The following MCTP1 variants were observed in gnomAD, a reference collection of about 807,000 sequenced individuals.
The protein encoded by MCTP1 is multiple C2 and transmembrane domain-containing protein 1.
MCTP1 carries 69 observed loss-of-function variants against 120.6 expected under a neutral mutation model. The ratio of observed to expected loss-of-function variants is 0.57; its 90% confidence interval spans 0.47 to 0.70. The LOEUF (loss-of-function observed/expected upper bound fraction) is 0.70. Among genes scored for constraint, MCTP1 ranks in the 30% least tolerant of loss-of-function variants. The probability of loss-of-function intolerance (pLI) is 0.00; values close to 1 mark genes in which losing one functional copy is unlikely to be tolerated. For synonymous variants in MCTP1, 529 were observed against 493.1 expected (o/e 1.07, Z -0.96); for missense variants, 1,203 against 1,248.8 (o/e 0.96, Z 0.55).
At chr5:95,143,918 T>C (rs1277107932) in intron 1 of MCTP1, among the ~76,000 whole-genome samples, 1 of 152,162 alleles carries the variant, frequency 6.6e-6, no homozygotes, top group African/African-American at 2.4e-5. Context: ...GGGTATATAT[T>C]TAGTAATGGG....
At chr5:94,934,274 T>C (rs1027457467) in intron 5 of MCTP1, among the ~76,000 whole-genome samples, 5 of 151,806 alleles carry the variant, frequency 3.3e-5, no homozygotes, top group African/African-American at 1.2e-4. Context: ...GATTGGGGAT[T>C]GTGAAAGATA....
chr5:95,027,493 G>C lies in MCTP1; in HGVS notation c.721-10009C>G, dbSNP rs558725816. On this transcript the variant is annotated intron_variant, in intron 1 of 22. Transcript: ENST00000515393. ...GAGTCATAATAAAGAAGCTGGAGAG[G>C]CCAGAAGGCCACGTGTAACCTCAAG... Among the ~76,000 whole-genome samples, 7 of 152,282 alleles carry C rather than the reference G, an allele frequency of 4.6e-5. 1 individual carries two copies. In the South Asian group the frequency reaches 1.5e-3, roughly 32 times the overall value.
rs976489250 is a variant in MCTP1 at position 95,283,817 on chromosome 5, C to A, written c.720+39G>T. Reference sequence around the variant, plus strand: ...GAACGCCTGAAGAGGGAGGCGTGGTCCCGCGCACCTTGTCTCCGGCCGCGC... The same window carrying A: ...GAACGCCTGAAGAGGGAGGCGTGGTACCGCGCACCTTGTCTCCGGCCGCGC... On this transcript the variant is annotated intron_variant, in intron 1 of 22. Coordinates refer to ENST00000515393, the MANE Select transcript of MCTP1 (RefSeq NM_024717.7). 8.4e-6 allele frequency: 11 copies of A among 1,311,484 alleles called. No homozygotes were observed. In the African/African-American group the frequency reaches 1.8e-4, roughly 21 times the overall value. 81.2% of individuals were successfully genotyped at this position (1,311,484 alleles called of 1,614,324 possible).
At chr5:94,728,784 C>A (rs1012161637) in intron 19 of MCTP1, among the ~76,000 whole-genome samples, 4 of 152,134 alleles carry the variant, frequency 2.6e-5, no homozygotes, top group African/African-American at 9.7e-5. Flanking sequence ...CCCGCACTGG[C>A]TAGAGTTTGT....
chr5:94,947,786 AT>A (rs70978144), intron 3 of MCTP1, among the ~76,000 whole-genome samples: 7,160 of 138,872 alleles, frequency 0.052, 198 homozygotes, highest in Middle Eastern at 0.095. Context: ...TGGCTTTAAA[AT>A]TTTTTTTTTT....
Position 95,118,854 on chromosome 5 carries a change from G to A in MCTP1, c.721-101370C>T, listed in dbSNP as rs116262094. 5.1e-3 allele frequency among the ~76,000 whole-genome samples: 771 copies of A among 152,276 alleles called. 6 individuals carry two copies. Among genetic ancestry groups the A allele is most frequent in the African/African-American group, 0.018 (744 of 41,552 alleles). ...ATATTTAACAATTGCAAATATACAT[G>A]TACCTAACACTGCAGCATCCTGACA... On this transcript the variant is annotated intron_variant, in intron 1 of 22. Transcript: ENST00000515393.
chr5:95,107,223 G>A (rs143720227), intron 1 of MCTP1, among the ~76,000 whole-genome samples: 177 of 152,080 alleles, frequency 1.2e-3, no homozygotes, highest in African/African-American at 3.9e-3. Flanking sequence ...TTTTCAATCC[G>A]AAAATATATG....
chr5:94,714,102 CATT>C (rs1327284291), intron 20 of MCTP1, among the ~76,000 whole-genome samples: 4 of 151,704 alleles, frequency 2.6e-5, no homozygotes, highest in South Asian at 2.1e-4. Flanking sequence ...AAAAATATAA[CATT>C]AGTTTAGATA....
At chr5:94,913,481 T>G (rs982246385) in intron 8 of MCTP1, among the ~76,000 whole-genome samples, 4 of 152,186 alleles carry the variant, frequency 2.6e-5, no homozygotes, top group African/African-American at 9.7e-5. Flanking sequence ...CTTGCCACAT[T>G]TGGAGATTAT....
chr5:94,740,651 G>A lies in MCTP1; in HGVS notation c.2611-25765C>T, dbSNP rs59043465. On this transcript the variant is annotated intron_variant, in intron 19 of 22. Coordinates refer to ENST00000515393, the MANE Select transcript of MCTP1 (RefSeq NM_024717.7). ...CCTTAGCAATTTGTATGCAAAGTAC[G>A]TAGAGCTTCATTGTGAGAGAAGCTC... Among the ~76,000 whole-genome samples the A allele has an allele frequency of 4.1e-3, 624 of 152,258 alleles. 5 individuals are homozygous for A. Among genetic ancestry groups the A allele is most frequent in the African/African-American group, 0.014 (581 of 41,554 alleles).
chr5:94,947,577 T>TATATAGAGAGAGAGAGAGAGAG, intron 3 of MCTP1, among the ~76,000 whole-genome samples: 2 of 47,400 alleles, frequency 4.2e-5, no homozygotes, highest in Non-Finnish European at 8.0e-5. Flanking sequence ...TATATATATA[T>TATATAGAGAGAGAGAGAGAGAG]AGAGAGAGAG....
chr5:94,717,526 A>C (rs541002702), intron 19 of MCTP1, among the ~76,000 whole-genome samples: 1 of 152,192 alleles, frequency 6.6e-6, no homozygotes, highest in African/African-American at 2.4e-5. Context: ...GGTCAGGGCA[A>C]TCAGGCAAGA....
At chr5:94,794,772 C>A (rs1286857446) in intron 18 of MCTP1, among the ~76,000 whole-genome samples, 2 of 152,188 alleles carry the variant, frequency 1.3e-5, no homozygotes, top group Non-Finnish European at 2.9e-5. Context: ...TGATAAATAT[C>A]ATTTTTGTTT....
chr5:95,172,118 C>T (rs929937630), intron 1 of MCTP1, among the ~76,000 whole-genome samples: 2 of 152,148 alleles, frequency 1.3e-5, no homozygotes, highest in African/African-American at 4.8e-5. Context: ...TGTTAGTTTT[C>T]CTTCTAACAG....
At chr5:94,801,125 T>C (rs1421997707) in intron 17 of MCTP1, among the ~76,000 whole-genome samples, 5 of 152,274 alleles carry the variant, frequency 3.3e-5, no homozygotes, top group African/African-American at 9.6e-5. Context: ...GTCCATATTC[T>C]TTATATATTT....
chr5:94,976,786 C>T (rs763917383), intron 2 of MCTP1: 2 of 152,052 alleles, frequency 1.3e-5, no homozygotes, highest in Non-Finnish European at 2.9e-5. Flanking sequence ...GGCCATGTAG[C>T]ACAACTGTAT....
chr5:94,885,388 T>C (rs922304822), intron 12 of MCTP1, among the ~76,000 whole-genome samples: 4 of 151,796 alleles, frequency 2.6e-5, no homozygotes, highest in African/African-American at 9.7e-5. Context: ...AACTCTTTTC[T>C]CCTTCTCCTC....
At chr5:94,950,248 A>C (rs1820146308) in intron 3 of MCTP1, among the ~76,000 whole-genome samples, 1 of 152,174 alleles carries the variant, frequency 6.6e-6, no homozygotes, top group South Asian at 2.1e-4. Context: ...TCTCATATAG[A>C]AATGTAAAAA....
Position 94,985,907 on chromosome 5 carries a change from T to C in MCTP1, c.838+31460A>G, listed in dbSNP as rs557091851. On this transcript the variant is annotated intron_variant, in intron 2 of 22. Coordinates refer to ENST00000515393, the MANE Select transcript of MCTP1 (RefSeq NM_024717.7). The stretch of plus-strand genomic sequence containing the variant: ...CGAGTTGATTGTTTTGGTTCACTTA[T>C]GGTTGGTAGAAAAGTTTTATTTCTT... Among the ~76,000 whole-genome samples, 17 of 152,340 alleles carry C rather than the reference T, an allele frequency of 1.1e-4. No individual in the cohort carries two copies. The South Asian group carries it at 3.3e-3, about 30-fold the overall frequency.
Sources: allele counts gnomAD v4.1 joint callset (sites outside exome capture counted in the v4.1 genomes callset), GRCh38; gene constraint gnomAD v4.1.1; transcripts MANE v1.5; gene names NCBI Gene and HGNC (gene_info 2026-07-23, HGNC 2026-07-21).